Variants in TRIM51 observed in about 807,000 individuals in gnomAD.
The protein encoded by TRIM51 is tripartite motif-containing 51, also known as tripartite motif-containing protein 51.
Under a neutral mutation model 32.7 loss-of-function variants are expected in TRIM51, and 23 were observed. The ratio of observed to expected loss-of-function variants is 0.70; its 90% confidence interval spans 0.51 to 1.00. The LOEUF (loss-of-function observed/expected upper bound fraction) is 1.00, where lower values mean the gene tolerates loss of function less well. TRIM51 is among the 50% of genes least tolerant of loss of function. TRIM51 has a pLI of 0.00. For missense variants in TRIM51, 592 were observed against 539.2 expected (o/e 1.10, Z -0.97); for synonymous variants, 177 against 181.9 (o/e 0.97, Z 0.22).
intron 3 of TRIM51, among the ~76,000 whole-genome samples, chr11:55,887,168 G>T (rs1217861353): frequency 6.6e-6 from 1 of 151,818 alleles, no homozygotes. Flanking sequence ...TTTTAAATAG[G>T]GTGGTCAGAA....
intron 1 of TRIM51, among the ~76,000 whole-genome samples, chr11:55,884,542 C>G (rs1434593761): frequency 6.6e-6 from 1 of 151,976 alleles, no homozygotes; most frequent in Non-Finnish European, 1.5e-5. Context: ...TGTCTCTGCC[C>G]TTTATCTTCA....
At position 55,888,381 on chromosome 11, in the gene TRIM51, C is replaced by G. The variant is rs548066674; in HGVS notation, c.738+119C>G. ...TTATTTGTTTCCAAAAACACGATTC[C>G]ATAACTAATGCTACTTGGTTGGGAG... On this transcript the variant is annotated intron_variant, in intron 4 of 6. Coordinates refer to ENST00000449290, the MANE Select transcript of TRIM51 (RefSeq NM_032681.4). 45 of 810,412 alleles carry G rather than the reference C, an allele frequency of 5.6e-5. No homozygotes were observed. In the Middle Eastern group the frequency reaches 1.1e-3, roughly 19 times the overall value. 50.2% of individuals were successfully genotyped at this position (810,412 alleles called of 1,614,324 possible).
intron 5 of TRIM51, 76 bp downstream of exon 5, chr11:55,889,077 A>G (rs554573088): frequency 7.6e-7 from 1 of 1,316,984 alleles, no homozygotes; most frequent in East Asian, 2.3e-5. Flanking sequence ...TATTGAAGGT[A>G]TAATTGATTC....
intron 4 of TRIM51, among the ~76,000 whole-genome samples, 190 bp downstream of exon 4, chr11:55,888,452 A>T (rs1281134916): frequency 6.6e-6 from 1 of 152,178 alleles, no homozygotes; most frequent in Non-Finnish European, 1.5e-5. Flanking sequence ...GGTCCCTCCT[A>T]CTTCATCCAC....
At chr11:55,888,375 C>A (rs751169031) in intron 4 of TRIM51, 113 bp downstream of exon 4, 11 of 849,998 alleles carry the variant, frequency 1.3e-5, no homozygotes, top group Non-Finnish European at 3.9e-6. Context: ...TCCAAAAACA[C>A]GATTCCATAA....
Position 55,891,250 on chromosome 11 carries a change from A to T in TRIM51, c.977A>T (p.Glu326Val), listed in dbSNP as rs143743456. The change falls in exon 7 of 7, where the codon GAA becomes GTA. Residue 326 changes from glutamate (E) to valine (V), a missense_variant. Transcript: ENST00000449290. ...GATCCCGATATCACTGGAAAATCTG[A>T]ATGTTTTCTTGTATGGGGGGCTCAG... is the stretch of plus-strand genomic sequence containing the variant. ...QDDPDITGKS[E>V]CFLVWGAQAF... The T allele has an allele frequency of 2.7e-5, 44 of 1,607,834 alleles. No individual in the cohort carries two copies. The African/African-American group carries it at 5.6e-4, about 21-fold the overall frequency.
rs1432617197 is a variant in TRIM51, at chr11:55,885,599, G to A, written c.171G>A (p.Lys57=). 6.2e-7 allele frequency: 1 copy of A among 1,611,452 alleles called. No individual in the cohort carries two copies. The highest frequency in any genetic ancestry group is 2.2e-5 in the East Asian group (1 of 44,854). ...TTGCTCAGTGCTCTGAATGCAAGAAGACAACGCGGCAGAGAAACCTCAACA... is the reference window on the plus strand; with the variant it reads ...TTGCTCAGTGCTCTGAATGCAAGAAAACAACGCGGCAGAGAAACCTCAACA... ...AVLAQCSECK[K]TTRQRNLNTD... The change falls in exon 2 of 7, where the codon AAG becomes AAA. Residue 57 remains lysine (K), a synonymous_variant. Transcript: ENST00000449290.
rs187475456 is a variant in TRIM51 at position 55,885,840 on chromosome 11, G to T, written c.411+1G>T. On this transcript the variant is annotated splice_donor_variant, in intron 2 of 6. Transcript: ENST00000449290. LOFTEE classifies it high-confidence loss of function. Reference sequence around the variant, plus strand: ...TGAGTGGGCTGCTGAGGAACGCCGGGTAAGTGATGCCTCTGAAGATCTATT... The same window carrying T: ...TGAGTGGGCTGCTGAGGAACGCCGGTTAAGTGATGCCTCTGAAGATCTATT... 1.9e-3 allele frequency: 3,043 copies of T among 1,611,648 alleles called. 54 individuals carry two copies. The African/African-American group carries it at 0.037, about 19-fold the overall frequency.
intron 5 of TRIM51, among the ~76,000 whole-genome samples, chr11:55,889,218 A>G (rs184752857): frequency 0.011 from 1,742 of 152,170 alleles, 35 homozygotes; most frequent in African/African-American, 0.04. Flanking sequence ...AAAAAAATAA[A>G]TAAATAAATA....
intron 6 of TRIM51, among the ~76,000 whole-genome samples, chr11:55,890,475 T>A (rs758661282): frequency 1.3e-5 from 2 of 152,178 alleles, no homozygotes; most frequent in Non-Finnish European, 2.9e-5. Context: ...ATATATTTTA[T>A]TGATATAATG....
intron 4 of TRIM51, among the ~76,000 whole-genome samples, chr11:55,888,767 A>G (rs61897548): frequency 0.056 from 8,541 of 152,202 alleles, 357 homozygotes; most frequent in Non-Finnish European, 0.083. Context: ...TGTGAAGAGA[A>G]TGTCTTCAAG....
intron 6 of TRIM51, among the ~76,000 whole-genome samples, chr11:55,890,479 T>C (rs958377593): frequency 6.6e-6 from 1 of 152,188 alleles, no homozygotes; most frequent in Admixed American, 6.5e-5. Flanking sequence ...ATTTTATTGA[T>C]ATAATGTAAA....
intron 6 of TRIM51, among the ~76,000 whole-genome samples, chr11:55,890,809 A>G (rs1854638074): frequency 6.6e-6 from 1 of 152,162 alleles, no homozygotes; most frequent in African/African-American, 2.4e-5. Flanking sequence ...TTTTAATAAT[A>G]ATGACCTTGA....
chr11:55,885,997 G>A (rs1485245605), intron 2 of TRIM51, 126 bp from the exon 3 acceptor site: 1 of 1,483,596 alleles, frequency 6.7e-7, no homozygotes. Flanking sequence ...ACAAACATGA[G>A]GAGAAACAAA....
rs766154679 is a variant in TRIM51 at position 55,886,162 on chromosome 11, G to C, written c.451G>C (p.Ala151Pro). Residue 151 changes from alanine (A) to proline (P), a missense_variant, in exon 3 of 7, where the codon GCT (alanine) becomes CCT (proline). Ala to Pro is a conservative substitution (Grantham distance 27). Transcript: ENST00000449290. ...LKKMQSLWEK[A>P]CENLRNLNME... ...AAAAATGCAGTCTTTATGGGAAAAA[G>C]CTTGTGAAAATCTCAGAAATCTGAA... 4.3e-6 allele frequency: 7 copies of C among 1,613,412 alleles called. No individual in the cohort carries two copies. The highest frequency in any genetic ancestry group is 4.2e-6 in the Non-Finnish European group (5 of 1,179,626).
chr11:55,888,870 T>C (rs1854610945), intron 4 of TRIM51, 109 bp from the exon 5 acceptor site: 4 of 984,512 alleles, frequency 4.1e-6, no homozygotes, highest in Admixed American at 1.8e-5. Context: ...GGAGGGAACA[T>C]TGTAGGAAAA....
chr11:55,883,765 T>C (rs1371301463), intron 1 of TRIM51, among the ~76,000 whole-genome samples: 1 of 152,148 alleles, frequency 6.6e-6, no homozygotes, highest in Admixed American at 6.5e-5. Flanking sequence ...CTTAAGCTTT[T>C]AGACATGATT....
chr11:55,887,528 A>G (rs1854592074), intron 3 of TRIM51, among the ~76,000 whole-genome samples: 1 of 152,160 alleles, frequency 6.6e-6, no homozygotes. Flanking sequence ...GGAACCACAA[A>G]GAAGCCCATG....
chr11:55,885,082 G>T (rs1854558023), intron 1 of TRIM51, among the ~76,000 whole-genome samples: 1 of 152,010 alleles, frequency 6.6e-6, no homozygotes, highest in Non-Finnish European at 1.5e-5. Context: ...GTTGTTATTT[G>T]AAAGAGAAAT....
Sources: allele counts gnomAD v4.1 joint callset (sites outside exome capture counted in the v4.1 genomes callset), GRCh38; gene constraint gnomAD v4.1.1; transcripts MANE v1.5; gene names NCBI Gene and HGNC (gene_info 2026-07-23, HGNC 2026-07-21).